The following BRF1 variants were observed in gnomAD, a reference collection of about 807,000 sequenced individuals.
The protein encoded by BRF1 is BRF1 general transcription factor IIIB subunit.
A neutral mutation model predicts 81.7 loss-of-function variants in BRF1; 59 were observed. The observed-to-expected ratio is 0.72, with a 90% CI of 0.59 to 0.90. BRF1 has a LOEUF of 0.90. BRF1 is among the 40% of genes least tolerant of loss of function. The probability of loss-of-function intolerance (pLI) is 0.00; values close to 1 mark genes in which losing one functional copy is unlikely to be tolerated. For missense variants in BRF1, 1,050 were observed against 936.3 expected (o/e 1.12, Z -1.58); for synonymous variants, 491 against 395.6 (o/e 1.24, Z -2.86).
chr14:105,263,796 G>A (rs1321574900), intron 3 of BRF1, among the ~76,000 whole-genome samples: 1 of 151,932 alleles, frequency 6.6e-6, no homozygotes, highest in South Asian at 2.1e-4. Context: ...GTGGTGGCGG[G>A]CACCTATAGT....
intron 5 of BRF1, chr14:105,246,978 C>T: frequency 1.0e-6 from 1 of 985,448 alleles, no homozygotes; most frequent in Non-Finnish European, 1.2e-6. Context: ...GGACCCACCA[C>T]AACCTGCTGA....
intron 1 of BRF1, among the ~76,000 whole-genome samples, chr14:105,306,332 C>A (rs2058185451): frequency 6.6e-6 from 1 of 151,684 alleles, no homozygotes; most frequent in Non-Finnish European, 1.5e-5. Context: ...GAGACACAGT[C>A]TTGCTCTGTC....
rs761421383 is a variant in BRF1, at chr14:105,286,386, C to A, written c.185-10G>T. ...GGGGTTTTGCCAGCACCTGGAAACACAAAAAAAGACAGATCAGCCAAAACT... is the reference window on the plus strand; with the variant it reads ...GGGGTTTTGCCAGCACCTGGAAACAAAAAAAAAGACAGATCAGCCAAAACT... On this transcript the variant is annotated splice_polypyrimidine_tract_variant and intron_variant, in intron 1 of 17. Coordinates refer to ENST00000547530, the MANE Select transcript of BRF1 (RefSeq NM_001519.4). The A allele has an allele frequency of 3.7e-6, 6 of 1,610,252 alleles. No individual in the cohort carries two copies. Among genetic ancestry groups the A allele is most frequent in the Non-Finnish European group, 5.1e-6 (6 of 1,178,390 alleles).
intron 5 of BRF1, chr14:105,247,698 T>C (rs1412883457): frequency 1.0e-6 from 1 of 985,278 alleles, no homozygotes; most frequent in Non-Finnish European, 1.2e-6. Context: ...ATGGAAGTTT[T>C]AAAAGTCTAA....
At chr14:105,241,122 A>G (rs1566822521) in intron 6 of BRF1, 143 bp downstream of exon 6, 1 of 1,349,198 alleles carries the variant, frequency 7.4e-7, no homozygotes, top group Non-Finnish European at 1.0e-6. Flanking sequence ...CCGGTGGGCC[A>G]GGCCAGAGTC....
At chr14:105,268,174 C>A (rs928138252) in intron 3 of BRF1, among the ~76,000 whole-genome samples, 1 of 152,250 alleles carries the variant, frequency 6.6e-6, no homozygotes. Context: ...TGTCAAAGAC[C>A]CACAAACCAG....
rs751092350 is a variant in BRF1, at chr14:105,256,559, G to A, written c.440-10C>T. On this transcript the variant is annotated splice_polypyrimidine_tract_variant and intron_variant, in intron 3 of 17. Coordinates refer to ENST00000547530, the MANE Select transcript of BRF1 (RefSeq NM_001519.4). ...AGGTCCAGGAGCATGTCTGCAGCAGGAGTCAAGGATCCTGTCGAGTGGCTG... is the reference window on the plus strand; with the variant it reads ...AGGTCCAGGAGCATGTCTGCAGCAGAAGTCAAGGATCCTGTCGAGTGGCTG... 2.5e-6 allele frequency: 4 copies of A among 1,613,296 alleles called. No homozygotes were observed. Among genetic ancestry groups the A allele is most frequent in the Admixed American group, 1.7e-5 (1 of 60,012 alleles).
chr14:105,263,252 A>AC (rs2056242766), intron 3 of BRF1, among the ~76,000 whole-genome samples: 1 of 151,580 alleles, frequency 6.6e-6, no homozygotes, highest in African/African-American at 2.4e-5. Context: ...AAAAAAAAAA[A>AC]AAAGTAGGAG....
In BRF1 at chr14:105,226,119, T is replaced by C. The variant is rs1893045110; in HGVS notation, c.998A>G (p.Glu333Gly). The C allele has an allele frequency of 6.2e-7, 1 of 1,613,890 alleles. No homozygotes were observed. Among genetic ancestry groups the C allele is most frequent in the East Asian group, 2.2e-5 (1 of 44,900 alleles). Residue 333 changes from glutamate (E) to glycine (G), a missense_variant, in exon 10 of 18, where the codon GAA becomes GGA. Glu to Gly is a moderately conservative substitution (Grantham distance 98). Coordinates refer to ENST00000547530, the MANE Select transcript of BRF1 (RefSeq NM_001519.4). ...CCCCTTGGCCTTTGGCCGGCTGTTTTCTAGTTCAATCTCAATTGCATCCTG... is the reference window on the plus strand; with the variant it reads ...CCCCTTGGCCTTTGGCCGGCTGTTTCCTAGTTCAATCTCAATTGCATCCTG... Reference protein sequence around the residue: ...SYQDAIEIELENSRPKAKGGL... With the variant: ...SYQDAIEIELGNSRPKAKGGL...
chr14:105,274,771 CT>C (rs1345676161), intron 2 of BRF1, among the ~76,000 whole-genome samples: 1 of 152,080 alleles, frequency 6.6e-6, no homozygotes, highest in East Asian at 1.9e-4. Context: ...ACTGCCCCCA[CT>C]TCTGTCTGCA....
At chr14:105,222,030 G>C (rs780344561) in intron 10 of BRF1, 116 bp from the exon 11 acceptor site, 6 of 1,319,716 alleles carry the variant, frequency 4.5e-6, no homozygotes, top group Non-Finnish European at 6.0e-6. Flanking sequence ...TCAGTGCACG[G>C]TGCCTGGCGG....
chr14:105,246,820 T>C (rs964036833), intron 5 of BRF1: 1 of 985,294 alleles, frequency 1.0e-6, no homozygotes, highest in Non-Finnish European at 1.2e-6. Flanking sequence ...ATGAAAATTA[T>C]TATTCACATG....
intron 1 of BRF1, among the ~76,000 whole-genome samples, chr14:105,310,701 C>T (rs755538618): frequency 2.6e-5 from 4 of 152,124 alleles, no homozygotes; most frequent in Non-Finnish European, 5.9e-5. Flanking sequence ...CTCCAGCCAG[C>T]GGCAGCTCAC....
chr14:105,279,941 CA>C (rs1264480458), intron 2 of BRF1, among the ~76,000 whole-genome samples: 1 of 152,226 alleles, frequency 6.6e-6, no homozygotes, highest in African/African-American at 2.4e-5. Context: ...ACTGGCAAGC[CA>C]GATGCGGACG....
At chr14:105,226,340 A>G (rs1338894890) in intron 8 of BRF1, 50 bp from the exon 9 acceptor site, 6 of 1,612,544 alleles carry the variant, frequency 3.7e-6, no homozygotes, top group South Asian at 1.1e-5. Flanking sequence ...CCTGGTGCAC[A>G]GCGCAGCCTC....
At chr14:105,249,280 C>CCCCGTCCGG in intron 5 of BRF1, 1 of 1,553,752 alleles carries the variant, frequency 6.4e-7, no homozygotes. Context: ...GGAACGCGTG[C>CCCCGTCCGG]CCCGTCCGCC....
At chr14:105,296,691 GA>G (rs200878296) in intron 1 of BRF1, among the ~76,000 whole-genome samples, 1,275 of 84,704 alleles carry the variant, frequency 0.015, 15 homozygotes, top group African/African-American at 0.048. Flanking sequence ...CAAAAAAAAA[GA>G]AAAAAAAAAA....
At chr14:105,229,603 G>A (rs989563184) in intron 6 of BRF1, among the ~76,000 whole-genome samples, 47 of 152,206 alleles carry the variant, frequency 3.1e-4, no homozygotes, top group Non-Finnish European at 5.4e-4. Context: ...CGACCTGGGG[G>A]GTCACAGAGG....
At chr14:105,260,483 T>C (rs2056099467) in intron 3 of BRF1, among the ~76,000 whole-genome samples, 1 of 152,120 alleles carries the variant, frequency 6.6e-6, no homozygotes, top group South Asian at 2.1e-4. Flanking sequence ...GCGATTCTCC[T>C]GCCTCAGCCT....
Sources: gnomAD v4.1 joint callset for allele counts (sites outside exome capture counted in the v4.1 genomes callset) on GRCh38, gnomAD v4.1.1 for gene constraint, MANE v1.5 for transcripts, NCBI Gene and HGNC (gene_info 2026-07-23, HGNC 2026-07-21) for gene names.